Variants in ADAMTSL3 observed in about 807,000 individuals in gnomAD.
The protein encoded by ADAMTSL3 is ADAMTS like 3, also known as ADAMTS-like protein 3.
ADAMTSL3 carries 128 observed loss-of-function variants against 201.7 expected under a neutral mutation model. That is an observed-to-expected ratio of 0.63 (90% CI 0.55 to 0.73). ADAMTSL3 has a LOEUF of 0.73. Among genes scored for constraint, ADAMTSL3 ranks in the 30% least tolerant of loss-of-function variants. The pLI is 0.00. For missense variants in ADAMTSL3, 1,990 were observed against 2,119.6 expected (o/e 0.94, Z 1.20); for synonymous variants, 738 against 748.4 (o/e 0.99, Z 0.23).
At chr15:83,796,484 T>A (rs911631178) in intron 4 of ADAMTSL3, among the ~76,000 whole-genome samples, 38 of 152,308 alleles carry the variant, frequency 2.5e-4, no homozygotes, top group African/African-American at 8.7e-4. Flanking sequence ...TTATGGAAGA[T>A]TTAGATGCTT....
chr15:83,901,306 A>T (rs531865699), intron 15 of ADAMTSL3, among the ~76,000 whole-genome samples: 2 of 152,216 alleles, frequency 1.3e-5, no homozygotes, highest in South Asian at 4.2e-4. Context: ...TAGTGGAGAG[A>T]GGGAGGAGTA....
chr15:83,887,813 A>G (rs1049218265), intron 10 of ADAMTSL3, among the ~76,000 whole-genome samples: 3 of 152,210 alleles, frequency 2.0e-5, no homozygotes, highest in African/African-American at 7.2e-5. Flanking sequence ...CTGGTCTCCA[A>G]CTGGTGGGCC....
rs560056449 is a variant in ADAMTSL3 at position 84,001,424 on chromosome 15, G to C, written c.3973+10210G>C. Among the ~76,000 whole-genome samples the C allele has an allele frequency of 3.3e-5, 5 of 152,318 alleles. No individual in the cohort carries two copies. The South Asian group carries it at 6.2e-4, about 19-fold the overall frequency. The stretch of plus-strand genomic sequence containing the variant: ...TGTATTGGCTTCAACAGCATACAAA[G>C]TGGATATTATATTTGTTTTGCAGAT... On this transcript the variant is annotated intron_variant, in intron 23 of 29. Transcript: ENST00000286744.
chr15:83,973,386 G>A (rs1030628347), intron 20 of ADAMTSL3, among the ~76,000 whole-genome samples: 1 of 151,958 alleles, frequency 6.6e-6, no homozygotes, highest in Non-Finnish European at 1.5e-5. Flanking sequence ...CAACTCTATC[G>A]CCAAATCTTT....
intron 3 of ADAMTSL3, among the ~76,000 whole-genome samples, chr15:83,745,017 A>G (rs1027663026): frequency 6.6e-6 from 1 of 152,226 alleles, no homozygotes; most frequent in Non-Finnish European, 1.5e-5. Flanking sequence ...TGCCTTTTCC[A>G]AAACCACCCA....
chr15:84,037,915 A>G lies in ADAMTSL3; in HGVS notation c.*109A>G, dbSNP rs1276003333. 13 of 1,438,310 alleles carry G rather than the reference A, an allele frequency of 9.0e-6. No individual in the cohort carries two copies. In the East Asian group the frequency reaches 1.7e-4, roughly 19 times the overall value. The allele number at this position is 1,438,310 out of a possible 1,614,324, so 89.1% of individuals were successfully genotyped here. A position where few individuals can be genotyped will look rare whatever the true frequency, so the allele number is the denominator to read the frequency against. Reference sequence around the variant, plus strand: ...TGTATTTCTTAAAAGACTAGATTCTATGGATCAAACAGAGGTTGATGCAAA... The same window carrying G: ...TGTATTTCTTAAAAGACTAGATTCTGTGGATCAAACAGAGGTTGATGCAAA... On this transcript the variant is annotated 3_prime_UTR_variant, in exon 30 of 30. Transcript: ENST00000286744.
chr15:83,836,695 T>G (rs945152058), intron 6 of ADAMTSL3, among the ~76,000 whole-genome samples: 2 of 152,218 alleles, frequency 1.3e-5, no homozygotes, highest in African/African-American at 4.8e-5. Context: ...ATACTAAGAA[T>G]TTTACATATA....
At chr15:83,920,116 A>G (rs1348542124) in intron 16 of ADAMTSL3, among the ~76,000 whole-genome samples, 3 of 152,212 alleles carry the variant, frequency 2.0e-5, no homozygotes, top group Non-Finnish European at 4.4e-5. Context: ...AATGCACTCT[A>G]TTTTGCATAG....
chr15:84,032,583 A>G (rs535489027), intron 28 of ADAMTSL3, among the ~76,000 whole-genome samples: 1 of 152,218 alleles, frequency 6.6e-6, no homozygotes, highest in Non-Finnish European at 1.5e-5. Flanking sequence ...AAATACATAC[A>G]TGGGTCACAT....
chr15:83,715,137 T>C (rs1007774803), intron 3 of ADAMTSL3, among the ~76,000 whole-genome samples: 1 of 152,082 alleles, frequency 6.6e-6, no homozygotes, highest in Non-Finnish European at 1.5e-5. Flanking sequence ...CCTGTGGGGA[T>C]GCTGCATCAT....
At chr15:83,757,179 C>T (rs181133628) in intron 3 of ADAMTSL3, among the ~76,000 whole-genome samples, 21 of 152,320 alleles carry the variant, frequency 1.4e-4, no homozygotes, top group East Asian at 5.8e-4. Context: ...GTGTGGGGCC[C>T]GCACCCCAAA....
chr15:83,712,583 A>G (rs2061947779), intron 3 of ADAMTSL3, among the ~76,000 whole-genome samples: 1 of 152,224 alleles, frequency 6.6e-6, no homozygotes, highest in Non-Finnish European at 1.5e-5. Flanking sequence ...TGACCTGATC[A>G]TGACTTCCTT....
intron 4 of ADAMTSL3, among the ~76,000 whole-genome samples, chr15:83,791,279 C>T (rs1334565444): frequency 6.6e-6 from 1 of 152,112 alleles, no homozygotes; most frequent in Non-Finnish European, 1.5e-5. Flanking sequence ...ATAAATTAAG[C>T]AATCTTGATC....
chr15:83,944,988 C>T (rs190384968), intron 19 of ADAMTSL3, among the ~76,000 whole-genome samples: 7 of 152,130 alleles, frequency 4.6e-5, no homozygotes, highest in East Asian at 1.9e-4. Flanking sequence ...CTGTTTTAAC[C>T]GTGTAGTTTT....
intron 2 of ADAMTSL3, among the ~76,000 whole-genome samples, chr15:83,700,386 C>T (rs1288290600): frequency 6.6e-6 from 1 of 152,186 alleles, no homozygotes; most frequent in Non-Finnish European, 1.5e-5. Context: ...TGGTTAGTCT[C>T]CTAACTCTCA....
In ADAMTSL3 at chr15:84,021,431, A is replaced by G; in HGVS notation, c.4295A>G (p.Asn1432Ser). The change falls in exon 26 of 30, where the codon AAC (asparagine) becomes AGC (serine). Residue 1432 changes from asparagine (N) to serine (S), a missense_variant. Coordinates refer to ENST00000286744, the MANE Select transcript of ADAMTSL3 (RefSeq NM_207517.3). ...GCAGAGCCTTTTTGGGAGCCTGGTA[A>G]CTGGTCACATTGTTCTGCCACCTGT... ...PPQEPFWEPG[N>S]WSHCSATCGH... 2 of 1,614,062 alleles carry G rather than the reference A, an allele frequency of 1.2e-6. No homozygotes were observed. The highest frequency in any genetic ancestry group is 1.7e-6 in the Non-Finnish European group (2 of 1,179,994).
chr15:83,983,455 G>T, intron 21 of ADAMTSL3, 111 bp downstream of exon 21: 1 of 838,512 alleles, frequency 1.2e-6, no homozygotes. Context: ...TTTCCAACAG[G>T]ATTCTTTAGG....
At chr15:83,819,564 G>C (rs2063824510) in intron 5 of ADAMTSL3, among the ~76,000 whole-genome samples, 1 of 151,666 alleles carries the variant, frequency 6.6e-6, no homozygotes, top group African/African-American at 2.4e-5. Context: ...AAAAATACCT[G>C]GGTGGGTGAA....
chr15:83,893,602 G>A (rs1398348174), intron 13 of ADAMTSL3, among the ~76,000 whole-genome samples: 1 of 152,152 alleles, frequency 6.6e-6, no homozygotes, highest in Non-Finnish European at 1.5e-5. Context: ...ATTGAGGCAA[G>A]ATAGCCTAAC....
Sources: gnomAD v4.1 joint callset for allele counts (sites outside exome capture counted in the v4.1 genomes callset) on GRCh38, gnomAD v4.1.1 for gene constraint, MANE v1.5 for transcripts, NCBI Gene and HGNC (gene_info 2026-07-23, HGNC 2026-07-21) for gene names.